Variants in DRD2 observed in about 807,000 individuals in gnomAD.
The protein encoded by DRD2 is D(2) dopamine receptor.
Under a neutral mutation model 38.0 loss-of-function variants are expected in DRD2, and 8 were observed. The observed-to-expected ratio is 0.21, with a 90% CI of 0.12 to 0.38. The LOEUF (loss-of-function observed/expected upper bound fraction) is 0.38. Among genes scored for constraint, DRD2 ranks in the 10% least tolerant of loss-of-function variants. The probability of loss-of-function intolerance (pLI) is 1.00; values close to 1 mark genes in which losing one functional copy is unlikely to be tolerated. For synonymous variants in DRD2, 230 were observed against 238.6 expected, an observed-to-expected ratio of 0.96 and a Z score of 0.33; for missense variants, 403 against 607.7, an observed-to-expected ratio of 0.66 and a Z score of 3.54.
At chr11:113,441,723 G>A (rs527648893) in intron 1 of DRD2, among the ~76,000 whole-genome samples, 15 of 152,250 alleles carry the variant, frequency 9.9e-5, no homozygotes, top group African/African-American at 2.2e-4. Flanking sequence ...GGTGGCTCAC[G>A]CCTGTGATCC....
At chr11:113,433,735 G>A (rs7122246) in intron 1 of DRD2, among the ~76,000 whole-genome samples, 64,070 of 152,072 alleles carry the variant, frequency 0.42, 16,809 homozygotes, top group Non-Finnish European at 0.6. Context: ...CTATGCAGCT[G>A]GAGCCAGAGA....
intron 1 of DRD2, among the ~76,000 whole-genome samples, chr11:113,436,277 A>C (rs1182425977): frequency 6.6e-6 from 1 of 152,232 alleles, no homozygotes; most frequent in Non-Finnish European, 1.5e-5. Flanking sequence ...CAGAAAATAC[A>C]ATAGGACAAA....
At chr11:113,471,844 A>G (rs1399602401) in intron 1 of DRD2, among the ~76,000 whole-genome samples, 1 of 152,272 alleles carries the variant, frequency 6.6e-6, no homozygotes, top group Non-Finnish European at 1.5e-5. Context: ...CTAAAGTCCT[A>G]TAAACTATAT....
At chr11:113,435,425 C>T (rs1012133979) in intron 1 of DRD2, among the ~76,000 whole-genome samples, 8 of 151,978 alleles carry the variant, frequency 5.3e-5, no homozygotes, top group East Asian at 1.9e-4. Flanking sequence ...AAATCCTCAC[C>T]GCTCCGATAC....
At chr11:113,452,469 T>TGTGTGTGTGTGCGCGC (rs1210531875) in intron 1 of DRD2, among the ~76,000 whole-genome samples, 3 of 118,784 alleles carry the variant, frequency 2.5e-5, no homozygotes, top group African/African-American at 1.1e-4. Flanking sequence ...TGTGTGTGTG[T>TGTGTGTGTGTGCGCGC]GCGCGCGCGC....
At chr11:113,442,994 C>T (rs1343238221) in intron 1 of DRD2, among the ~76,000 whole-genome samples, 1 of 152,086 alleles carries the variant, frequency 6.6e-6, no homozygotes, top group Non-Finnish European at 1.5e-5. Flanking sequence ...CTAGGGTTTG[C>T]GTGATGGGGG....
At position 113,415,707 on chromosome 11, in the gene DRD2, G is replaced by A. The variant is rs1043557462; in HGVS notation, c.533-96C>T. 11 of 1,373,236 alleles carry A rather than the reference G, an allele frequency of 8.0e-6. No individual in the cohort carries two copies. In the East Asian group the frequency reaches 2.3e-4, roughly 28 times the overall value. The allele number at this position is 1,373,236 out of a possible 1,614,324, so 85.1% of individuals were successfully genotyped here. ...TCATGTCCTTCCAGGAACAAGGAGCGATTTTACAGAGAATATGAACGCAAC... is the reference window on the plus strand; with the variant it reads ...TCATGTCCTTCCAGGAACAAGGAGCAATTTTACAGAGAATATGAACGCAAC... On this transcript the variant is annotated intron_variant, in intron 4 of 7. Transcript: ENST00000362072.
At chr11:113,438,180 G>A (rs17115583) in intron 1 of DRD2, among the ~76,000 whole-genome samples, 28,044 of 151,900 alleles carry the variant, frequency 0.18, 3,107 homozygotes, top group East Asian at 0.43. Flanking sequence ...GTGTCAATGC[G>A]TCCTATTTTT....
At chr11:113,452,663 T>C (rs1338941481) in intron 1 of DRD2, among the ~76,000 whole-genome samples, 25 of 139,696 alleles carry the variant, frequency 1.8e-4, no homozygotes, top group Non-Finnish European at 1.4e-4. Context: ...TTTTTTTTTT[T>C]CTGAGATAAG....
In DRD2 at chr11:113,451,603, G is replaced by A. The variant is rs147570973; in HGVS notation, c.-32+23473C>T. ...GCTTCCGGGTTCAAGTGATTCTCCT[G>A]CCTCAGCCTCCCAAGTAACTGGGAT... On this transcript the variant is annotated intron_variant, in intron 1 of 7. Transcript: ENST00000362072. Among the ~76,000 whole-genome samples, 90 of 152,260 alleles carry A rather than the reference G, an allele frequency of 5.9e-4. No individual in the cohort carries two copies. The East Asian group carries it at 0.016, about 27-fold the overall frequency.
intron 1 of DRD2, among the ~76,000 whole-genome samples, chr11:113,469,057 C>T (rs566639042): frequency 4.1e-4 from 63 of 152,292 alleles, no homozygotes; most frequent in Non-Finnish European, 4.9e-4. Flanking sequence ...TTCAGTTCAC[C>T]TCAAAGAGAT....
intron 2 of DRD2, among the ~76,000 whole-genome samples, chr11:113,423,936 G>A (rs1451815430): frequency 6.6e-6 from 1 of 152,130 alleles, no homozygotes; most frequent in East Asian, 1.9e-4. Context: ...GGGGATCCTT[G>A]CCGGTTACTC....
chr11:113,473,241 T>C (rs921357385), intron 1 of DRD2, among the ~76,000 whole-genome samples: 5 of 152,196 alleles, frequency 3.3e-5, no homozygotes, highest in African/African-American at 1.2e-4. Context: ...CAAAATAAAA[T>C]AAATGTATAC....
At position 113,418,521 on chromosome 11, in the gene DRD2, T is replaced by C. The variant is rs550963648; in HGVS notation, c.286-385A>G. Among the ~76,000 whole-genome samples, 26 of 152,310 alleles carry C rather than the reference T, an allele frequency of 1.7e-4. No homozygotes were observed. In the South Asian group the frequency reaches 5.4e-3, roughly 32 times the overall value. ...ATATTGACTATATTTTTCTATCTTC[T>C]CTGATCCTGATATTCTGGCACTTGG... On this transcript the variant is annotated intron_variant, in intron 2 of 7. Coordinates refer to ENST00000362072, the MANE Select transcript of DRD2 (RefSeq NM_000795.4).
Position 113,470,409 on chromosome 11 carries a change from C to T in DRD2, c.-32+4667G>A, listed in dbSNP as rs1285539669. On this transcript the variant is annotated intron_variant, in intron 1 of 7. Transcript: ENST00000362072. ...CAGCTTCCTGGAAGGCAGGACTGCC[C>T]AGGCTAACTGCAGGCCTATTGATGG... is the stretch of plus-strand genomic sequence containing the variant. Among the ~76,000 whole-genome samples, 3 of 152,146 alleles carry T rather than the reference C, an allele frequency of 2.0e-5. No individual in the cohort carries two copies. In the East Asian group the frequency reaches 5.8e-4, roughly 29 times the overall value.
intron 1 of DRD2, 142 bp from the exon 2 acceptor site, chr11:113,424,824 A>C: frequency 1.2e-6 from 1 of 826,648 alleles, no homozygotes; most frequent in Non-Finnish European, 1.8e-6. Flanking sequence ...TTTTCTAAAA[A>C]TGTTGGGCCT....
At chr11:113,421,922 C>A (rs146884243) in intron 2 of DRD2, among the ~76,000 whole-genome samples, 1 of 152,286 alleles carries the variant, frequency 6.6e-6, no homozygotes, top group Non-Finnish European at 1.5e-5. Context: ...TCTGCACCCT[C>A]CTCCCCTGAC....
chr11:113,410,970 G>T (rs778404611), intron 7 of DRD2, 50 bp from the exon 8 acceptor site: 3 of 1,572,012 alleles, frequency 1.9e-6, no homozygotes, highest in Middle Eastern at 1.7e-4. Flanking sequence ...GGGAGGCACG[G>T]CTGGGAACAC....
chr11:113,415,918 C>T (rs900901560), intron 4 of DRD2, among the ~76,000 whole-genome samples: 4 of 152,132 alleles, frequency 2.6e-5, no homozygotes, highest in African/African-American at 4.8e-5. Flanking sequence ...CAAGTGAAGC[C>T]GATGTATCCA....
Sources: gnomAD v4.1 joint callset for allele counts (sites outside exome capture counted in the v4.1 genomes callset) on GRCh38, gnomAD v4.1.1 for gene constraint, MANE v1.5 for transcripts, NCBI Gene and HGNC (gene_info 2026-07-23, HGNC 2026-07-21) for gene names.